SLC5A4: variants seen among roughly 807,000 people sequenced by gnomAD.
The protein encoded by SLC5A4 is solute carrier family 5 member 4.
Under a neutral mutation model 70.3 loss-of-function variants are expected in SLC5A4, and 55 were observed. That is an observed-to-expected ratio of 0.78 (90% CI 0.63 to 0.98). SLC5A4 has a LOEUF of 0.98. Ranked by LOEUF, SLC5A4 falls within the 50% of genes least tolerant of loss-of-function variation. The pLI, the probability that SLC5A4 is intolerant of heterozygous loss-of-function variation, is 0.00. For synonymous variants in SLC5A4, 268 were observed against 305.7 expected, an observed-to-expected ratio of 0.88 and a Z score of 1.29; for missense variants, 735 against 839.2, an observed-to-expected ratio of 0.88 and a Z score of 1.53.
the SLC5A4 span, chr22:32,271,149 C>T: frequency 1.5e-6 from 1 of 669,410 alleles, no homozygotes; most frequent in Non-Finnish European, 2.7e-6. Context: ...AGCCCATCCA[C>T]TGGTGCCTGC....
chr22:32,221,816 T>C (rs1925099180), intron 13 of SLC5A4, among the ~76,000 whole-genome samples: 1 of 152,178 alleles, frequency 6.6e-6, no homozygotes, highest in Admixed American at 6.5e-5. Flanking sequence ...AATGGTGCGA[T>C]CTTGGCTCAC....
chr22:32,311,281 A>G, the SLC5A4 span, among the ~76,000 whole-genome samples: 31 of 152,198 alleles, frequency 2.0e-4, no homozygotes, highest in African/African-American at 7.0e-4. Flanking sequence ...TGTCTGGTGA[A>G]TGGATGGGCA....
At chr22:32,309,043 A>G in the SLC5A4 span, among the ~76,000 whole-genome samples, 3 of 152,026 alleles carry the variant, frequency 2.0e-5, no homozygotes, top group Non-Finnish European at 4.4e-5. Flanking sequence ...TGTTCATGTT[A>G]TGCTAATTTC....
the SLC5A4 span, among the ~76,000 whole-genome samples, chr22:32,329,641 GGGTGTGTGTTGGGGGCTCT>G: frequency 9.7e-6 from 1 of 103,136 alleles, no homozygotes; most frequent in Non-Finnish European, 2.0e-5. Context: ...GAGGGCTCTG[GGGTGTGTGTTGGGGGCTCT>G]GGTGTGTGTG....
the SLC5A4 span, among the ~76,000 whole-genome samples, chr22:32,324,260 CATAT>C: frequency 7.7e-6 from 1 of 130,158 alleles, no homozygotes; most frequent in Non-Finnish European, 1.6e-5. Context: ...TATATACACA[CATAT>C]ATGTATATAT....
At chr22:32,296,719 CCT>C in the SLC5A4 span, among the ~76,000 whole-genome samples, 1 of 38,942 alleles carries the variant, frequency 2.6e-5, no homozygotes, top group African/African-American at 1.1e-4. Flanking sequence ...AGAGGGCATC[CCT>C]GTCTTGTGCC....
chr22:32,285,861 T>C, the SLC5A4 span, among the ~76,000 whole-genome samples: 1 of 151,976 alleles, frequency 6.6e-6, no homozygotes, highest in Admixed American at 6.6e-5. Context: ...CTCAGCCTCC[T>C]GAGTAGCTGG....
intron 5 of SLC5A4, among the ~76,000 whole-genome samples, chr22:32,241,859 G>A (rs1461088668): frequency 5.9e-5 from 8 of 135,040 alleles, no homozygotes; most frequent in African/African-American, 2.1e-4. Context: ...GTGTGTGTGT[G>A]TGTATATATA....
the SLC5A4 span, chr22:32,270,532 C>T: frequency 1.4e-6 from 1 of 717,784 alleles, no homozygotes; most frequent in Non-Finnish European, 2.6e-6. Context: ...ATTCCTGATT[C>T]TGAGCCAGGA....
Position 32,234,886 on chromosome 22 carries a change from C to T in SLC5A4, c.872G>A (p.Trp291Ter), listed in dbSNP as rs1203018748. ...CATATACTTCACCTGATTTGTGCAC[C>T]AGTACCACAAAGCTGTAATGGGCAT... Reference protein sequence around the residue: ...FGMPITALWYWCTNQVIVQRC... With the variant: ...FGMPITALWY Residue 291 changes from tryptophan to a stop codon, truncating the protein, a stop_gained, in exon 8 of 15, where the codon TGG (tryptophan) becomes TAG (stop). Coordinates refer to ENST00000266086, the MANE Select transcript of SLC5A4 (RefSeq NM_014227.3). LOFTEE classifies it high-confidence loss of function. 2.5e-6 allele frequency: 4 copies of T among 1,611,678 alleles called. No homozygotes were observed. The highest frequency in any genetic ancestry group is 3.4e-6 in the Non-Finnish European group (4 of 1,178,828).
chr22:32,346,819 A>C, the SLC5A4 span, among the ~76,000 whole-genome samples: 5 of 148,164 alleles, frequency 3.4e-5, no homozygotes, highest in African/African-American at 1.3e-4. Context: ...CTAAAACACC[A>C]AAAGCAATGG....
chr22:32,243,040 A>G (rs746917853), intron 5 of SLC5A4, among the ~76,000 whole-genome samples: 1 of 152,214 alleles, frequency 6.6e-6, no homozygotes, highest in Non-Finnish European at 1.5e-5. Context: ...ATAAAACAGT[A>G]ATTCTATAGT....
the SLC5A4 span, chr22:32,269,916 C>G: frequency 1.8e-6 from 1 of 545,890 alleles, no homozygotes; most frequent in Non-Finnish European, 3.6e-6. The surrounding 1 kb of genome is among the most constrained non-coding windows in gnomAD (Gnocchi z 4.1). Flanking sequence ...CCACCAGCGT[C>G]CTCACCACCA....
chr22:32,242,141 G>T (rs5994511), intron 5 of SLC5A4, among the ~76,000 whole-genome samples: 78,728 of 151,796 alleles, frequency 0.52, 21,907 homozygotes, highest in African/African-American at 0.71. Context: ...ATTTCCTAAT[G>T]ATGTCAGCTA....
At chr22:32,268,307 A>G in the SLC5A4 span, 1 of 152,138 alleles carries the variant, frequency 6.6e-6, no homozygotes, top group Non-Finnish European at 1.5e-5. Context: ...ACGGCTGAAC[A>G]ATTTCAAGAA....
the SLC5A4 span, among the ~76,000 whole-genome samples, chr22:32,315,668 G>A: frequency 2.0e-5 from 3 of 151,884 alleles, no homozygotes; most frequent in South Asian, 2.1e-4. Flanking sequence ...AACAGAGACC[G>A]TATGGTGAAA....
chr22:32,248,743 C>G lies in SLC5A4; in HGVS notation c.372G>C (p.Gly124=). Residue 124 remains glycine, a splice_region_variant and synonymous_variant, in exon 4 of 15, where the codon GGG becomes GGC. Coordinates refer to ENST00000266086, the MANE Select transcript of SLC5A4 (RefSeq NM_014227.3). ...TGGCATTTTGGTAACAGATACTCACCCCCGACTTGATGTAGATAGGGACAA... is the reference window on the plus strand; with the variant it reads ...TGGCATTTTGGTAACAGATACTCACGCCCGACTTGATGTAGATAGGGACAA... The part of the protein sequence containing the change: ...WIFVPIYIKS[G]VMTMPEYLKK... 1 of 1,609,160 alleles carries G rather than the reference C, an allele frequency of 6.2e-7. No individual in the cohort carries two copies. The highest frequency in any genetic ancestry group is 8.5e-7 in the Non-Finnish European group (1 of 1,175,628).
Position 32,233,024 on chromosome 22 carries a change from T to C in SLC5A4, c.896A>G (p.Gln299Arg), listed in dbSNP as rs756791616. Residue 299 changes from glutamine (Q) to arginine (R), a missense_variant, in exon 9 of 15, where the codon CAG becomes CGG. Gln to Arg is a conservative substitution (Grantham distance 43). Coordinates refer to ENST00000266086, the MANE Select transcript of SLC5A4 (RefSeq NM_014227.3). ...CATGTCCTTGCCACACAGGCAGCGC[T>C]GCACAATGACCTGCCGGGAGAACGT... ...WYWCTNQVIV[Q>R]RCLCGKDMSH... is the part of the protein sequence containing the mutation. 5.6e-6 allele frequency: 9 copies of C among 1,613,292 alleles called. No homozygotes were observed. The highest frequency in any genetic ancestry group is 7.6e-6 in the Non-Finnish European group (9 of 1,179,722).
At chr22:32,238,723 A>G (rs540359361) in intron 6 of SLC5A4, among the ~76,000 whole-genome samples, 2 of 152,280 alleles carry the variant, frequency 1.3e-5, no homozygotes, top group East Asian at 3.9e-4. Flanking sequence ...CTGGTTACCA[A>G]ACATATAGCT....
Sources: allele counts gnomAD v4.1 joint callset (sites outside exome capture counted in the v4.1 genomes callset), GRCh38; gene constraint gnomAD v4.1.1; non-coding constraint Gnocchi (gnomAD v3.1); transcripts MANE v1.5; gene names NCBI Gene and HGNC (gene_info 2026-07-23, HGNC 2026-07-21).